The following VGLL4 variants were observed in gnomAD, a reference collection of about 807,000 sequenced individuals.
VGLL4 encodes the protein vestigial like family member 4.
Under a neutral mutation model 21.0 loss-of-function variants are expected in VGLL4, and 7 were observed. The observed-to-expected ratio is 0.33, with a 90% CI of 0.19 to 0.63. The LOEUF (loss-of-function observed/expected upper bound fraction) is 0.63, where lower values mean the gene tolerates loss of function less well. Among genes scored for constraint, VGLL4 ranks in the 20% least tolerant of loss-of-function variants. The probability of loss-of-function intolerance (pLI) is 0.78; values close to 1 mark genes in which losing one functional copy is unlikely to be tolerated. For synonymous variants in VGLL4, 222 were observed against 173.2 expected (o/e 1.28, Z -2.21); for missense variants, 394 against 425.7 (o/e 0.93, Z 0.66).
At chr3:11,669,913 C>T (rs965414240) in intron 2 of VGLL4, among the ~76,000 whole-genome samples, 2 of 152,116 alleles carry the variant, frequency 1.3e-5, no homozygotes, top group Admixed American at 6.5e-5. Flanking sequence ...GCCTTGGCCT[C>T]CCAAAGTGCT....
At chr3:11,622,285 T>C (rs2075277764) in intron 1 of VGLL4, among the ~76,000 whole-genome samples, 2 of 152,180 alleles carry the variant, frequency 1.3e-5, no homozygotes, top group South Asian at 2.1e-4. Context: ...GCCCCAGCCA[T>C]TGCTAGATAC....
At chr3:11,600,821 T>G (rs1575437831) in intron 2 of VGLL4, among the ~76,000 whole-genome samples, 2 of 151,948 alleles carry the variant, frequency 1.3e-5, no homozygotes, top group East Asian at 3.9e-4. Context: ...TCTTGAATAA[T>G]GAGGAAACAC....
At position 11,558,487 on chromosome 3, in the gene VGLL4, T is replaced by TC; in HGVS notation, c.*68_*69insG. ...CCCCACCCCCATGATTTTTTTTTTT[T>TC]TAAGTACTGACTGTTCAAAGCTCAG... On this transcript the variant is annotated 3_prime_UTR_variant, in exon 5 of 5. Transcript: ENST00000430365. 1 of 1,507,272 alleles carries TC rather than the reference T, an allele frequency of 6.6e-7. No individual in the cohort carries two copies. The highest frequency in any genetic ancestry group is 1.3e-5 in the South Asian group (1 of 78,568). 93.4% of individuals were successfully genotyped at this position (1,507,272 alleles called of 1,614,324 possible).
intron 2 of VGLL4, chr3:11,582,226 G>A: frequency 1.9e-6 from 3 of 1,564,158 alleles, no homozygotes; most frequent in South Asian, 2.3e-5. Context: ...ATACAGGGTT[G>A]CCATCTGGTT....
At chr3:11,594,835 G>C (rs907157882) in intron 2 of VGLL4, among the ~76,000 whole-genome samples, 5 of 152,202 alleles carry the variant, frequency 3.3e-5, no homozygotes, top group Admixed American at 6.5e-5. Flanking sequence ...GTGAGGAGCT[G>C]GTAGGAAAAG....
At chr3:11,705,654 T>C (rs2076748903) in intron 1 of VGLL4, among the ~76,000 whole-genome samples, 1 of 152,264 alleles carries the variant, frequency 6.6e-6, no homozygotes, top group Admixed American at 6.5e-5. Flanking sequence ...CTAGGTAATA[T>C]TCTCTTCACC....
chr3:11,644,790 G>A (rs906526402), upstream of VGLL4, among the ~76,000 whole-genome samples: 1 of 147,098 alleles, frequency 6.8e-6, no homozygotes, highest in African/African-American at 2.5e-5. Context: ...AGGATGCAGT[G>A]AGCCAAGATC....
At chr3:11,636,961 A>G (rs1322091285) in intron 1 of VGLL4, among the ~76,000 whole-genome samples, 2 of 152,110 alleles carry the variant, frequency 1.3e-5, no homozygotes, top group Admixed American at 6.6e-5. Flanking sequence ...CTGGCTTCAC[A>G]TGGAGAAAAC....
chr3:11,712,857 C>A (rs1196853389), intron 1 of VGLL4, among the ~76,000 whole-genome samples: 1 of 152,178 alleles, frequency 6.6e-6, no homozygotes, highest in Non-Finnish European at 1.5e-5. Context: ...CAAGCCCTTA[C>A]CCGTCAGGAA....
chr3:11,614,268 A>G (rs1389033462), intron 1 of VGLL4, among the ~76,000 whole-genome samples: 2 of 152,232 alleles, frequency 1.3e-5, no homozygotes, highest in African/African-American at 4.8e-5. Context: ...TTTTGGTGCC[A>G]TCTACCTGGG....
chr3:11,559,677 G>T (rs1382982463), intron 3 of VGLL4, among the ~76,000 whole-genome samples: 1 of 152,222 alleles, frequency 6.6e-6, no homozygotes, highest in Non-Finnish European at 1.5e-5. Context: ...TGGCTGTTTG[G>T]ATCAGTGAGG....
At chr3:11,563,516 CCT>C (rs771372230) in intron 3 of VGLL4, among the ~76,000 whole-genome samples, 1 of 152,228 alleles carries the variant, frequency 6.6e-6, no homozygotes, top group African/African-American at 2.4e-5. Flanking sequence ...CTGGGAGCTC[CCT>C]GTGGCCGTGA....
chr3:11,654,090 A>C (rs969598024), intron 2 of VGLL4, among the ~76,000 whole-genome samples: 21 of 150,010 alleles, frequency 1.4e-4, no homozygotes, highest in East Asian at 5.8e-4. Context: ...ACCCCCCACC[A>C]CCACCACCAC....
intron 2 of VGLL4, among the ~76,000 whole-genome samples, chr3:11,673,699 C>G (rs2076247922): frequency 6.6e-6 from 1 of 152,004 alleles, no homozygotes; most frequent in Non-Finnish European, 1.5e-5. Flanking sequence ...AGAGAAAAAA[C>G]TGGTCACACA....
intron 1 of VGLL4, among the ~76,000 whole-genome samples, chr3:11,636,012 T>A (rs543864808): frequency 6.6e-6 from 1 of 152,244 alleles, no homozygotes; most frequent in East Asian, 1.9e-4. Flanking sequence ...AGAAAAACAA[T>A]AGTTTAAAAG....
intron 2 of VGLL4, among the ~76,000 whole-genome samples, chr3:11,595,890 A>C (rs7644740): frequency 6.6e-6 from 1 of 150,614 alleles, no homozygotes; most frequent in Non-Finnish European, 1.5e-5. Context: ...GCTAAATGAC[A>C]AGTTAATGGG....
chr3:11,693,133 T>C (rs2076555869), intron 2 of VGLL4: 1 of 212,736 alleles, frequency 4.7e-6, no homozygotes, highest in Non-Finnish European at 1.0e-5. Context: ...ATTGTGCCAC[T>C]ATACTCCAGT....
chr3:11,582,157 GAC>G, intron 2 of VGLL4: 1 of 1,111,460 alleles, frequency 9.0e-7, no homozygotes, highest in Non-Finnish European at 1.3e-6. Flanking sequence ...TCTAAGCAAA[GAC>G]TACTCTACCT....
chr3:11,559,402 G>C lies in VGLL4; in HGVS notation c.549C>G (p.Leu183=). 3 of 1,562,690 alleles carry C rather than the reference G, an allele frequency of 1.9e-6. No individual in the cohort carries two copies. The highest frequency in any genetic ancestry group is 2.6e-6 in the Non-Finnish European group (3 of 1,154,540). ...CASAGARNCN[L]SHCPIAHSGC... ...CGCTGTGCGCGATGGGGCAGTGCGAGAGGTTGCAGTTGCGGGCGCCAGCCG... is the reference window on the plus strand; with the variant it reads ...CGCTGTGCGCGATGGGGCAGTGCGACAGGTTGCAGTTGCGGGCGCCAGCCG... The change falls in exon 4 of 5, where the codon CTC becomes CTG. Residue 183 remains leucine, a synonymous_variant. Transcript: ENST00000430365.
Sources: allele counts gnomAD v4.1 joint callset (sites outside exome capture counted in the v4.1 genomes callset), GRCh38; gene constraint gnomAD v4.1.1; transcripts MANE v1.5; gene names NCBI Gene and HGNC (gene_info 2026-07-23, HGNC 2026-07-21).